The following RERG variants were observed in gnomAD, a reference collection of about 807,000 sequenced individuals.
The protein encoded by RERG is RAS like estrogen regulated growth inhibitor.
In RERG, 25 loss-of-function variants were observed where a neutral mutation model predicts 23.2. That is an observed-to-expected ratio of 1.08 (90% CI 0.79 to 1.50). The LOEUF is 1.50. RERG is among the 40% of genes most tolerant of loss of function. The pLI, the probability that RERG is intolerant of heterozygous loss-of-function variation, is 0.00. For synonymous variants in RERG, 81 were observed against 89.1 expected, an observed-to-expected ratio of 0.91 and a Z score of 0.51; for missense variants, 253 against 250.1, an observed-to-expected ratio of 1.01 and a Z score of -0.08.
At chr12:15,190,731 G>A (rs548510755) in intron 2 of RERG, among the ~76,000 whole-genome samples, 3 of 152,220 alleles carry the variant, frequency 2.0e-5, no homozygotes, top group East Asian at 3.9e-4. Context: ...AGTATCTGGA[G>A]TAAGTATATT....
At chr12:15,163,948 A>C (rs1864650576) in intron 2 of RERG, among the ~76,000 whole-genome samples, 1 of 152,014 alleles carries the variant, frequency 6.6e-6, no homozygotes. Flanking sequence ...GAGAGAGAGA[A>C]ACATTGTGGT....
At chr12:15,220,476 C>T (rs942268210) in intron 1 of RERG, among the ~76,000 whole-genome samples, 2 of 152,150 alleles carry the variant, frequency 1.3e-5, no homozygotes, top group African/African-American at 2.4e-5. Flanking sequence ...TAGTTCCCTT[C>T]GAAGAGCTTA....
At chr12:15,208,239 T>C (rs1293075948) in intron 2 of RERG, among the ~76,000 whole-genome samples, 1 of 152,114 alleles carries the variant, frequency 6.6e-6, no homozygotes, top group Non-Finnish European at 1.5e-5. Flanking sequence ...TTGCTTTGAA[T>C]GAATGAATGA....
At chr12:15,202,058 C>T (rs970419032) in intron 2 of RERG, among the ~76,000 whole-genome samples, 1 of 151,740 alleles carries the variant, frequency 6.6e-6, no homozygotes, top group Admixed American at 6.6e-5. Flanking sequence ...AGTTCCTATC[C>T]CGTTCTTTCA....
intron 2 of RERG, among the ~76,000 whole-genome samples, chr12:15,161,876 TTC>T (rs1168160005): frequency 2.6e-5 from 4 of 152,226 alleles, no homozygotes; most frequent in Admixed American, 6.5e-5. Context: ...ACAAAGTATA[TTC>T]TGTTATTATT....
chr12:15,117,450 A>G (rs1863742982), intron 3 of RERG, among the ~76,000 whole-genome samples: 1 of 152,090 alleles, frequency 6.6e-6, no homozygotes, highest in South Asian at 2.1e-4. Context: ...GGGTGTATCT[A>G]TTTTCGTATG....
intron 2 of RERG, among the ~76,000 whole-genome samples, chr12:15,203,163 T>C (rs1002827582): frequency 1.3e-5 from 2 of 151,796 alleles, no homozygotes; most frequent in Non-Finnish European, 1.5e-5. Flanking sequence ...TTTTTAGATT[T>C]AGACTTTTGT....
At chr12:15,167,823 T>C (rs1427819231) in intron 2 of RERG, among the ~76,000 whole-genome samples, 1 of 152,156 alleles carries the variant, frequency 6.6e-6, no homozygotes, top group African/African-American at 2.4e-5. Flanking sequence ...ATTTTTCCCA[T>C]CTCTGGCTAT....
intron 2 of RERG, among the ~76,000 whole-genome samples, chr12:15,124,736 T>A (rs1418749870): frequency 6.6e-6 from 1 of 152,032 alleles, no homozygotes; most frequent in Non-Finnish European, 1.5e-5. Flanking sequence ...CTGGAAATTT[T>A]TTTTCCAGCT....
chr12:15,110,047 T>C (rs1863576906), intron 4 of RERG, among the ~76,000 whole-genome samples: 1 of 152,220 alleles, frequency 6.6e-6, no homozygotes, highest in African/African-American at 2.4e-5. Flanking sequence ...ACAAACTATT[T>C]AGAGAATCCA....
chr12:15,137,904 C>T (rs543741717), intron 2 of RERG: 5 of 443,118 alleles, frequency 1.1e-5, no homozygotes, highest in East Asian at 7.1e-5. Context: ...TATCATTCTC[C>T]TTCTCTGAAG....
intron 2 of RERG, among the ~76,000 whole-genome samples, chr12:15,130,154 T>C (rs148808916): frequency 5.3e-5 from 8 of 152,296 alleles, no homozygotes; most frequent in Non-Finnish European, 1.2e-4. Context: ...TACACAATTA[T>C]TGAATGTTTA....
intron 1 of RERG, among the ~76,000 whole-genome samples, chr12:15,219,527 T>C (rs1297550109): frequency 1.3e-5 from 2 of 152,228 alleles, no homozygotes; most frequent in Non-Finnish European, 2.9e-5. Context: ...CAGTCCCATA[T>C]TTTTGGCTAA....
chr12:15,220,208 G>A (rs1865495079), intron 1 of RERG, among the ~76,000 whole-genome samples: 1 of 152,160 alleles, frequency 6.6e-6, no homozygotes, highest in Admixed American at 6.5e-5. Flanking sequence ...TTGTCCTAAT[G>A]TTCTGCTGAA....
chr12:15,138,994 G>T (rs1864189363), intron 2 of RERG, among the ~76,000 whole-genome samples: 2 of 97,998 alleles, frequency 2.0e-5, no homozygotes, highest in South Asian at 3.3e-4. Context: ...TTTTGTGAAA[G>T]TTGTTCACCT....
At chr12:15,144,748 A>C (rs909197318) in intron 2 of RERG, among the ~76,000 whole-genome samples, 31 of 152,188 alleles carry the variant, frequency 2.0e-4, no homozygotes, top group African/African-American at 7.5e-4. Context: ...AATCACATAC[A>C]ATTCATGGAG....
intron 2 of RERG, among the ~76,000 whole-genome samples, chr12:15,129,278 CA>C (rs34234575): frequency 0.26 from 35,493 of 135,118 alleles, 4,197 homozygotes; most frequent in Admixed American, 0.32. Flanking sequence ...AATAAGATGT[CA>C]AAAAAAAAAA....
chr12:15,154,989 C>T (rs966271462), intron 2 of RERG, among the ~76,000 whole-genome samples: 3 of 152,092 alleles, frequency 2.0e-5, no homozygotes, highest in African/African-American at 7.2e-5. Context: ...CATATTGATT[C>T]TTGCTTTACA....
intron 2 of RERG, among the ~76,000 whole-genome samples, chr12:15,139,497 A>T (rs960626045): frequency 6.6e-6 from 1 of 152,142 alleles, no homozygotes; most frequent in Non-Finnish European, 1.5e-5. Context: ...TTATTAGATC[A>T]GAGTTTTATA....
Sources: gnomAD v4.1 joint callset for allele counts (sites outside exome capture counted in the v4.1 genomes callset) on GRCh38, gnomAD v4.1.1 for gene constraint, MANE v1.5 for transcripts, NCBI Gene and HGNC (gene_info 2026-07-23, HGNC 2026-07-21) for gene names.